The following ZKSCAN2 variants were observed in gnomAD, a reference collection of about 807,000 sequenced individuals.
ZKSCAN2 encodes the protein zinc finger with KRAB and SCAN domains 2.
ZKSCAN2 carries 38 observed loss-of-function variants against 90.5 expected under a neutral mutation model. The observed-to-expected ratio is 0.42, with a 90% CI of 0.32 to 0.55. ZKSCAN2 has a LOEUF of 0.55. Ranked by LOEUF, ZKSCAN2 falls within the 20% of genes least tolerant of loss-of-function variation. The pLI is 0.11. For synonymous variants in ZKSCAN2, 429 were observed against 421.6 expected (o/e 1.02, Z -0.22); for missense variants, 1,167 against 1,202.6 (o/e 0.97, Z 0.44).
At position 25,239,895 on chromosome 16, in the gene ZKSCAN2, G is replaced by C; in HGVS notation, c.2825C>G (p.Pro942Arg). The C allele has an allele frequency of 6.2e-7, 1 of 1,614,120 alleles. No homozygotes were observed. The highest frequency in any genetic ancestry group is 8.5e-7 in the Non-Finnish European group (1 of 1,180,016). The change falls in exon 7 of 7, where the codon CCT becomes CGT. Residue 942 changes from proline (P) to arginine (R), a missense_variant. By Grantham distance (103) the Pro-to-Arg change is moderately radical (BLOSUM62 -2). Coordinates refer to ENST00000328086, the MANE Select transcript of ZKSCAN2 (RefSeq NM_001012981.5). ...ATACAGAGATGGAGGGTGTGGCAGA[G>C]GCTTTTCTCTCACATGAACTTCCCG... ...KHREVHVREKPLPHPPSLYCP... is the reference protein window; with the variant it reads ...KHREVHVREKRLPHPPSLYCP...
rs536523496 is a variant in ZKSCAN2 at position 25,247,060 on chromosome 16, T to C, written c.1136A>G (p.Glu379Gly). Residue 379 changes from glutamate (E) to glycine (G), a missense_variant, in exon 5 of 7, where the codon GAA becomes GGA. By Grantham distance (98) the Glu-to-Gly change is moderately conservative (BLOSUM62 -2). Coordinates refer to ENST00000328086, the MANE Select transcript of ZKSCAN2 (RefSeq NM_001012981.5). ...RNSQVYGAVAEWLRECGFLRT... is the reference protein window; with the variant it reads ...RNSQVYGAVAGWLRECGFLRT... ...AAGGAAGCCACATTCTCGCAACCAT[T>C]CAGCCACAGCACCATACACTTGGCT... The C allele has an allele frequency of 1.9e-5, 30 of 1,614,222 alleles. No individual in the cohort carries two copies. The African/African-American group carries it at 3.6e-4, about 19-fold the overall frequency.
chr16:25,243,812 G>T lies in ZKSCAN2; in HGVS notation c.1954C>A (p.Pro652Thr), dbSNP rs772751162. 3 of 1,613,634 alleles carry T rather than the reference G, an allele frequency of 1.9e-6. No homozygotes were observed. The South Asian group carries it at 3.3e-5, about 18-fold the overall frequency. The part of the protein sequence containing the change: ...EIVQEPEFQG[P>T]PGLLQSPNDF... ...TTTGGGCTCTGCAGTAGACCTGGAG[G>T]TCCCTGGAACTCTGGCTCTTGCACA... is the stretch of plus-strand genomic sequence containing the variant. Residue 652 changes from proline (P) to threonine (T), a missense_variant, in exon 6 of 7, where the codon CCT becomes ACT. Pro to Thr is a conservative substitution (Grantham distance 38). Coordinates refer to ENST00000328086, the MANE Select transcript of ZKSCAN2 (RefSeq NM_001012981.5).
At position 25,257,373 on chromosome 16, in the gene ZKSCAN2, G is replaced by C; in HGVS notation, c.-246C>G. The C allele has an allele frequency of 2.4e-6, 3 of 1,244,968 alleles. No homozygotes were observed. The highest frequency in any genetic ancestry group is 3.0e-6 in the Non-Finnish European group (3 of 994,642). 77.1% of individuals were successfully genotyped at this position (1,244,968 alleles called of 1,614,324 possible). On this transcript the variant is annotated 5_prime_UTR_variant, in exon 1 of 7. Coordinates refer to ENST00000328086, the MANE Select transcript of ZKSCAN2 (RefSeq NM_001012981.5). ...CAAACAAGATGTGACCGCGCAATGT[G>C]GTTTTCCAGAGTGCATCCCTCTTAG...
Position 25,246,820 on chromosome 16 carries a change from C to T in ZKSCAN2, c.1376G>A (p.Ser459Asn), listed in dbSNP as rs750750284. The change falls in exon 5 of 7, where the codon AGC (serine) becomes AAC (asparagine). Residue 459 changes from serine (S) to asparagine (N), a missense_variant. Transcript: ENST00000328086. ...RIAISAKEHI[S>N]LVEEEEAAED... ...TGCAGCTTCCTCCTCCTCCACCAAG[C>T]TGATGTGTTCCTTAGCACTGATGGC... 2.8e-5 allele frequency: 46 copies of T among 1,614,082 alleles called. 1 individual carries two copies. In the South Asian group the frequency reaches 4.9e-4, roughly 17 times the overall value.
At chr16:25,251,551 A>C (rs1369034436) in intron 4 of ZKSCAN2, among the ~76,000 whole-genome samples, 1 of 152,210 alleles carries the variant, frequency 6.6e-6, no homozygotes. Flanking sequence ...AACATGTCGT[A>C]ATTTGAATCC....
intron 5 of ZKSCAN2, among the ~76,000 whole-genome samples, chr16:25,245,404 A>G (rs976992157): frequency 6.6e-6 from 1 of 152,184 alleles, no homozygotes; most frequent in Non-Finnish European, 1.5e-5. Flanking sequence ...ACATCCAGCC[A>G]GATATTTCTT....
intron 6 of ZKSCAN2, among the ~76,000 whole-genome samples, chr16:25,242,187 TTC>T (rs1446551861): frequency 1.3e-5 from 2 of 152,212 alleles, no homozygotes; most frequent in Non-Finnish European, 2.9e-5. Flanking sequence ...TTTTGAAGTT[TTC>T]TGATTGAGTT....
chr16:25,254,530 C>T (rs547616502), intron 2 of ZKSCAN2, among the ~76,000 whole-genome samples: 5 of 152,168 alleles, frequency 3.3e-5, no homozygotes, highest in Non-Finnish European at 7.4e-5. Context: ...TTATAGTCAG[C>T]CAAGAGCACA....
At position 25,246,925 on chromosome 16, in the gene ZKSCAN2, G is replaced by A; in HGVS notation, c.1271C>T (p.Ala424Val). ...AGCACGGGCTGCAGGGTTCAACAAA[G>A]CATCCATGTCCTCAAAGAAGGCGCA... Reference protein sequence around the residue: ...EPCAFFEDMDALLNPAARAPS... With the variant: ...EPCAFFEDMDVLLNPAARAPS... Residue 424 changes from alanine (A) to valine (V), a missense_variant, in exon 5 of 7, where the codon GCT (alanine) becomes GTT (valine). By Grantham distance (64) the Ala-to-Val change is moderately conservative. Coordinates refer to ENST00000328086, the MANE Select transcript of ZKSCAN2 (RefSeq NM_001012981.5). 4 of 1,614,116 alleles carry A rather than the reference G, an allele frequency of 2.5e-6. No individual in the cohort carries two copies. Among genetic ancestry groups the A allele is most frequent in the Non-Finnish European group, 3.4e-6 (4 of 1,180,014 alleles).
Position 25,240,132 on chromosome 16 carries a change from T to C in ZKSCAN2, c.2588A>G (p.Glu863Gly), listed in dbSNP as rs748650122. ...HTGEKPYQCGECGKSFTNSSH... is the reference protein window; with the variant it reads ...HTGEKPYQCGGCGKSFTNSSH... ...ACTGTTGGTGAAACTTTTCCCACAC[T>C]CTCCACACTGATAGGGCTTCTCACC... The change falls in exon 7 of 7, where the codon GAG becomes GGG. Residue 863 changes from glutamate to glycine, a missense_variant. By Grantham distance (98) the Glu-to-Gly change is moderately conservative. Transcript: ENST00000328086. The C allele has an allele frequency of 1.2e-6, 2 of 1,614,030 alleles. No individual in the cohort carries two copies. Among genetic ancestry groups the C allele is most frequent in the South Asian group, 2.2e-5 (2 of 91,074 alleles).
chr16:25,240,065 A>G lies in ZKSCAN2; in HGVS notation c.2655T>C (p.Asn885=). The G allele has an allele frequency of 1.2e-6, 2 of 1,613,244 alleles. No homozygotes were observed. Among genetic ancestry groups the G allele is most frequent in the Non-Finnish European group, 1.7e-6 (2 of 1,179,832 alleles). ...SAHRRVHTGE[N]PYKCVDCEKS... ...TTTCACAGTCCACACATTTGTAGGGATTCTCCCCAGTGTGAACTCTCCGGT... is the reference window on the plus strand; with the variant it reads ...TTTCACAGTCCACACATTTGTAGGGGTTCTCCCCAGTGTGAACTCTCCGGT... The change falls in exon 7 of 7, where the codon AAT becomes AAC. Residue 885 remains asparagine (N), a synonymous_variant. Transcript: ENST00000328086.
intron 4 of ZKSCAN2, 62 bp downstream of exon 4, chr16:25,251,847 A>C: frequency 6.4e-7 from 1 of 1,559,080 alleles, no homozygotes; most frequent in Non-Finnish European, 8.8e-7. Flanking sequence ...TCTTCTAATC[A>C]GTAGAAATGA....
chr16:25,242,449 T>C (rs993586742), intron 6 of ZKSCAN2, among the ~76,000 whole-genome samples: 3 of 152,226 alleles, frequency 2.0e-5, no homozygotes, highest in Non-Finnish European at 4.4e-5. Flanking sequence ...TTCAACTGAT[T>C]GCCGAGGGCT....
At position 25,240,685 on chromosome 16, in the gene ZKSCAN2, C is replaced by T. The variant is rs144166062; in HGVS notation, c.2035G>A (p.Asp679Asn). ...KEDPTQIVYK[D>N]MEQHRALIEK... ...ATTAATGCCCTATGCTGTTCCATGT[C>T]CTTATATACTATCTGTGTTGGATCC... Residue 679 changes from aspartate to asparagine, a missense_variant, in exon 7 of 7, where the codon GAC (aspartate) becomes AAC (asparagine). Coordinates refer to ENST00000328086, the MANE Select transcript of ZKSCAN2 (RefSeq NM_001012981.5). 2,607 of 1,614,062 alleles carry T rather than the reference C, an allele frequency of 1.6e-3. 37 individuals are homozygous for T. In the African/African-American group the frequency reaches 0.03, roughly 19 times the overall value.
chr16:25,257,197 T>G lies in ZKSCAN2; in HGVS notation c.-70A>C. The G allele has an allele frequency of 4.0e-6, 6 of 1,518,070 alleles. No homozygotes were observed. Among genetic ancestry groups the G allele is most frequent in the Non-Finnish European group, 4.4e-6 (5 of 1,138,666 alleles). The allele number at this position is 1,518,070 out of a possible 1,614,324, so 94.0% of individuals were successfully genotyped here. On this transcript the variant is annotated 5_prime_UTR_variant, in exon 1 of 7. Coordinates refer to ENST00000328086, the MANE Select transcript of ZKSCAN2 (RefSeq NM_001012981.5). ...CCCAAAGAAGACTCCAAGCGCTCCC[T>G]GCTTAATGTTCCTGGGAGTGTGATA...
At position 25,236,270 on chromosome 16, in the gene ZKSCAN2, C is replaced by G. The variant is rs1278736609; in HGVS notation, c.*3546G>C. 1 of 152,278 alleles carries G rather than the reference C, an allele frequency of 6.6e-6. No individual in the cohort carries two copies. Among genetic ancestry groups the G allele is most frequent in the Non-Finnish European group, 1.5e-5 (1 of 68,092 alleles). 9.4% of individuals were successfully genotyped at this position (152,278 alleles called of 1,614,324 possible). A position where few individuals can be genotyped will look rare whatever the true frequency, so the allele number is the denominator to read the frequency against. On this transcript the variant is annotated 3_prime_UTR_variant, in exon 7 of 7. Transcript: ENST00000328086. Reference sequence around the variant, plus strand: ...AGAGGCTTCCTTCACTTCAGCCTACCTGCCACTGGTTATCGAGGTGCTTGG... The same window carrying G: ...AGAGGCTTCCTTCACTTCAGCCTACGTGCCACTGGTTATCGAGGTGCTTGG...
rs372401144 is a variant in ZKSCAN2, at chr16:25,240,546, G to A, written c.2174C>T (p.Pro725Leu). The change falls in exon 7 of 7, where the codon CCG becomes CTG. Residue 725 changes from proline to leucine, a missense_variant. Pro to Leu is a moderately conservative substitution (Grantham distance 98). Coordinates refer to ENST00000328086, the MANE Select transcript of ZKSCAN2 (RefSeq NM_001012981.5). ...ENLQGIRQGK[P>L]MSQPRDLGKA... ...CCCTAAATCTCTAGGCTGAGACATC[G>A]GCTTTCCCTGTCTAATTCCTTGAAG... is the stretch of plus-strand genomic sequence containing the variant. 1.5e-5 allele frequency: 24 copies of A among 1,614,022 alleles called. 1 individual carries two copies. Among genetic ancestry groups the A allele is most frequent in the South Asian group, 9.9e-5 (9 of 91,088 alleles).
chr16:25,246,708 A>G lies in ZKSCAN2; in HGVS notation c.1488T>C (p.Ser496=). 1 of 1,614,106 alleles carries G rather than the reference A, an allele frequency of 6.2e-7. No individual in the cohort carries two copies. ...HGAPVLFQNL[S]GVHWGYEETK... ...AGAGAAACAAAGCACAATTCTTACC[A>G]CTGAGATTCTGAAACAAGACAGGGG... The change falls in exon 5 of 7, where the codon AGT becomes AGC. Residue 496 remains serine, a splice_region_variant and synonymous_variant. Coordinates refer to ENST00000328086, the MANE Select transcript of ZKSCAN2 (RefSeq NM_001012981.5).
In ZKSCAN2 at chr16:25,237,225, T is replaced by G. The variant is rs973827365; in HGVS notation, c.*2591A>C. On this transcript the variant is annotated 3_prime_UTR_variant, in exon 7 of 7. Coordinates refer to ENST00000328086, the MANE Select transcript of ZKSCAN2 (RefSeq NM_001012981.5). ...CAGAACATGATTATTCATTTTGACTTACATGTACCAGGTGAAAACAAATAA... is the reference window on the plus strand; with the variant it reads ...CAGAACATGATTATTCATTTTGACTGACATGTACCAGGTGAAAACAAATAA... The G allele has an allele frequency of 7.9e-5, 12 of 152,250 alleles. No homozygotes were observed. The highest frequency in any genetic ancestry group is 2.7e-4 in the African/African-American group (11 of 41,456). The allele number at this position is 152,250 out of a possible 1,614,324, so 9.4% of individuals were successfully genotyped here. A position where few individuals can be genotyped will look rare whatever the true frequency, so the allele number is the denominator to read the frequency against.
Sources: allele counts gnomAD v4.1 joint callset (sites outside exome capture counted in the v4.1 genomes callset), GRCh38; gene constraint gnomAD v4.1.1; transcripts MANE v1.5; gene names NCBI Gene and HGNC (gene_info 2026-07-23, HGNC 2026-07-21).